PDS5B: variants seen among roughly 807,000 people sequenced by gnomAD.
PDS5B encodes the protein sister chromatid cohesion protein PDS5 homolog B.
A neutral mutation model predicts 184.1 loss-of-function variants in PDS5B; 51 were observed. That is an observed-to-expected ratio of 0.28 (90% CI 0.22 to 0.35). PDS5B has a LOEUF of 0.35. Among genes scored for constraint, PDS5B ranks in the 10% least tolerant of loss-of-function variants. The pLI, the probability that PDS5B is intolerant of heterozygous loss-of-function variation, is 1.00. For synonymous variants in PDS5B, 566 were observed against 569.2 expected, an observed-to-expected ratio of 0.99 and a Z score of 0.08; for missense variants, 1,180 against 1,723.3, an observed-to-expected ratio of 0.68 and a Z score of 5.58.
At chr13:32,655,374 A>ATTTTTT (rs1228814649) in intron 3 of PDS5B, among the ~76,000 whole-genome samples, 5 of 72,456 alleles carry the variant, frequency 6.9e-5, no homozygotes, top group Non-Finnish European at 1.1e-4. Flanking sequence ...ATATATATAT[A>ATTTTTT]TTTTTTTTTT....
rs1954929509 is a variant in PDS5B, at chr13:32,775,554, T to TA, written c.*505dup. On this transcript the variant is annotated 3_prime_UTR_variant, in exon 35 of 35. Coordinates refer to ENST00000315596, the MANE Select transcript of PDS5B (RefSeq NM_015032.4). ...TTGATGTCACTATTTGTTGGAGAGTTAAATGGTCTCTTCCCTTTGTGTATC... is the reference window on the plus strand; with the variant it reads ...TTGATGTCACTATTTGTTGGAGAGTTAAAATGGTCTCTTCCCTTTGTGTATC... The TA allele has an allele frequency of 1.7e-5, 7 of 408,966 alleles. No individual in the cohort carries two copies. The highest frequency in any genetic ancestry group is 1.2e-4 in the South Asian group (7 of 56,770). The allele number at this position is 408,966 out of a possible 1,614,324, so 25.3% of individuals were successfully genotyped here.
chr13:32,631,768 A>G (rs2058459347), intron 1 of PDS5B, among the ~76,000 whole-genome samples: 1 of 152,162 alleles, frequency 6.6e-6, no homozygotes, highest in Admixed American at 6.6e-5. Context: ...ATTTAAGGGA[A>G]AAAAAAGTTC....
At chr13:32,774,923 A>T in intron 34 of PDS5B, 94 bp from the exon 35 acceptor site, 1 of 1,176,612 alleles carries the variant, frequency 8.5e-7, no homozygotes, top group South Asian at 1.3e-5. Flanking sequence ...AAAATCAGGA[A>T]CAAATGAGAA....
At chr13:32,739,897 A>G (rs1334766019) in intron 21 of PDS5B, among the ~76,000 whole-genome samples, 1 of 151,774 alleles carries the variant, frequency 6.6e-6, no homozygotes. Context: ...TTTTTATTGT[A>G]TCTTTTGTGG....
rs772845751 is a variant in PDS5B at position 32,673,210 on chromosome 13, C to A, written c.706-6C>A. ...ACTAATGATAGGCTTTCTTTCTCCT[C>A]AAAAGTTTTTTAATCAGGTTCTGAT... is the stretch of plus-strand genomic sequence containing the variant. On this transcript the variant is annotated splice_polypyrimidine_tract_variant and splice_region_variant and intron_variant, in intron 7 of 34. Coordinates refer to ENST00000315596, the MANE Select transcript of PDS5B (RefSeq NM_015032.4). 2.5e-6 allele frequency: 4 copies of A among 1,609,598 alleles called. No individual in the cohort carries two copies. Among genetic ancestry groups the A allele is most frequent in the South Asian group, 1.1e-5 (1 of 90,218 alleles).
intron 26 of PDS5B, among the ~76,000 whole-genome samples, chr13:32,757,612 A>T (rs1461922046): frequency 6.6e-6 from 1 of 152,208 alleles, no homozygotes; most frequent in Non-Finnish European, 1.5e-5. Context: ...ATAATTGTCA[A>T]TCTTGACTTT....
intron 23 of PDS5B, among the ~76,000 whole-genome samples, chr13:32,745,283 A>G (rs898734197): frequency 1.3e-5 from 2 of 152,244 alleles, no homozygotes; most frequent in Non-Finnish European, 2.9e-5. Flanking sequence ...TCTATATATA[A>G]ACATTTCTCC....
chr13:32,717,422 G>T (rs1952493779), intron 19 of PDS5B, among the ~76,000 whole-genome samples: 3 of 147,928 alleles, frequency 2.0e-5, no homozygotes, highest in African/African-American at 7.5e-5. Flanking sequence ...AACATGTGCT[G>T]TGTCCACTCA....
In PDS5B at chr13:32,655,359, C is replaced by CATATATATATATATATATATATAT. The variant is rs1177251327; in HGVS notation, c.313-2864_313-2863insATATATATATATATATATATATAT. On this transcript the variant is annotated intron_variant, in intron 3 of 34. Transcript: ENST00000315596. The stretch of plus-strand genomic sequence containing the variant: ...AAAAGTATCTCTTCATGTTCTTTGC[C>CATATATATATATATATATATATAT]ATATATATATATATATTTTTTTTTT... Among the ~76,000 whole-genome samples the CATATATATATATATATATATATAT allele has an allele frequency of 1.0e-3, 41 of 39,592 alleles. 2 individuals carry two copies. The highest frequency in any genetic ancestry group is 8.2e-3 in the East Asian group (2 of 244). 26.0% of individuals were successfully genotyped at this position (39,592 alleles called of 152,430 possible).
At chr13:32,717,225 A>AGAGCCTTTCT (rs1952483750) in intron 19 of PDS5B, among the ~76,000 whole-genome samples, 3 of 152,150 alleles carry the variant, frequency 2.0e-5, no homozygotes, top group African/African-American at 7.2e-5. Flanking sequence ...CCATGATGAC[A>AGAGCCTTTCT]ATGGCGGTTT....
intron 21 of PDS5B, among the ~76,000 whole-genome samples, chr13:32,736,875 T>G (rs1429579209): frequency 6.6e-6 from 1 of 152,130 alleles, no homozygotes; most frequent in Non-Finnish European, 1.5e-5. Context: ...CTCGCTTCAG[T>G]TTTGTCTAGT....
chr13:32,755,033 A>C (rs529162219), intron 25 of PDS5B, among the ~76,000 whole-genome samples: 1 of 152,352 alleles, frequency 6.6e-6, no homozygotes, highest in African/African-American at 2.4e-5. Flanking sequence ...GTCGGCCTTG[A>C]AATGAATGAT....
At chr13:32,724,139 C>A (rs1952814198) in intron 19 of PDS5B, among the ~76,000 whole-genome samples, 1 of 152,132 alleles carries the variant, frequency 6.6e-6, no homozygotes, top group Non-Finnish European at 1.5e-5. Context: ...TTGTTTGTGT[C>A]AGGGTCTTGG....
chr13:32,714,114 G>T (rs1318772578), intron 19 of PDS5B, among the ~76,000 whole-genome samples: 1 of 152,160 alleles, frequency 6.6e-6, no homozygotes, highest in Admixed American at 6.5e-5. Flanking sequence ...GTGAATAGGT[G>T]TGGGTGACAG....
intron 1 of PDS5B, among the ~76,000 whole-genome samples, chr13:32,637,909 T>A (rs1179348168): frequency 1.3e-5 from 2 of 152,330 alleles, no homozygotes; most frequent in African/African-American, 4.8e-5. Flanking sequence ...GAAGACTGAC[T>A]TACTGAAAAC....
chr13:32,615,701 A>G (rs1197569115), intron 1 of PDS5B, among the ~76,000 whole-genome samples: 1 of 152,188 alleles, frequency 6.6e-6, no homozygotes, highest in Non-Finnish European at 1.5e-5. Flanking sequence ...TATCAAATAC[A>G]AGTATTTTCA....
intron 13 of PDS5B, 120 bp from the exon 14 acceptor site, chr13:32,694,103 A>C: frequency 3.5e-5 from 22 of 633,396 alleles, no homozygotes; most frequent in Non-Finnish European, 4.3e-5. Flanking sequence ...AGTCCTGTGA[A>C]TTTCATCTCA....
chr13:32,614,813 A>G (rs148090774), intron 1 of PDS5B, among the ~76,000 whole-genome samples: 369 of 152,238 alleles, frequency 2.4e-3, no homozygotes, highest in Non-Finnish European at 4.3e-3. Context: ...GGTTCTTTCC[A>G]CTGTACCTAC....
At chr13:32,623,420 G>A (rs1177612845) in intron 1 of PDS5B, among the ~76,000 whole-genome samples, 5 of 152,140 alleles carry the variant, frequency 3.3e-5, no homozygotes, top group South Asian at 4.1e-4. Context: ...CCTTGTGTTC[G>A]TTATACAAAG....
Sources: gnomAD v4.1 joint callset for allele counts (sites outside exome capture counted in the v4.1 genomes callset) on GRCh38, gnomAD v4.1.1 for gene constraint, MANE v1.5 for transcripts, NCBI Gene and HGNC (gene_info 2026-07-23, HGNC 2026-07-21) for gene names.